MDN1: variants seen among roughly 807,000 people sequenced by gnomAD.
MDN1 encodes the protein midasin.
In MDN1, 266 loss-of-function variants were observed where a neutral mutation model predicts 669.2. The ratio of observed to expected loss-of-function variants is 0.40; its 90% confidence interval spans 0.36 to 0.44. MDN1 has a LOEUF of 0.44. Among genes scored for constraint, MDN1 ranks in the 20% least tolerant of loss-of-function variants. MDN1 has a pLI of 1.00. For synonymous variants in MDN1, 2,385 were observed against 2,457.1 expected (o/e 0.97, Z 0.87); for missense variants, 5,940 against 6,754.0 (o/e 0.88, Z 4.22).
rs552185875 is a variant in MDN1, at chr6:89,657,700, C to T, written c.15183+509G>A. Among the ~76,000 whole-genome samples, 149 of 152,286 alleles carry T rather than the reference C, an allele frequency of 9.8e-4. 1 individual carries two copies. The highest frequency in any genetic ancestry group is 3.4e-3 in the African/African-American group (141 of 41,550). ...CACCACTTAAATACAGCCGATATTC[C>T]GGGGTTTGTCCTGGGAGGCATATAA... is the stretch of plus-strand genomic sequence containing the variant. On this transcript the variant is annotated intron_variant, in intron 90 of 101. Transcript: ENST00000369393.
intron 25 of MDN1, 24 bp from the exon 26 acceptor site, chr6:89,749,393 CA>C (rs1422626797): frequency 6.2e-7 from 1 of 1,608,750 alleles, no homozygotes; most frequent in Non-Finnish European, 8.5e-7. Flanking sequence ...AGGAAGAATG[CA>C]GTAAAAGGTG....
chr6:89,661,350 T>G, intron 88 of MDN1, 81 bp downstream of exon 88: 21 of 1,489,008 alleles, frequency 1.4e-5, no homozygotes, highest in East Asian at 2.3e-5. Flanking sequence ...GCCATGACAC[T>G]GAGCTAGCTT....
rs562038600 is a variant in MDN1 at position 89,745,148 on chromosome 6, A to AAG, written c.4178+124_4178+125insCT. On this transcript the variant is annotated intron_variant, in intron 29 of 101. Transcript: ENST00000369393. ...TAGTCTCTTCTTAAAAAAAAAAAAA[A>AAG]AAAAGAAAAAAGAGGAAGGAGGAAA... is the stretch of plus-strand genomic sequence containing the variant. The AAG allele has an allele frequency of 7.9e-5, 80 of 1,014,514 alleles. 1 individual carries two copies. The highest frequency in any genetic ancestry group is 2.6e-4 in the Middle Eastern group (1 of 3,862). The allele number at this position is 1,014,514 out of a possible 1,614,324, so 62.8% of individuals were successfully genotyped here.
At chr6:89,781,627 C>A in intron 9 of MDN1, 35 bp from the exon 10 acceptor site, 1 of 1,502,922 alleles carries the variant, frequency 6.7e-7, no homozygotes, top group South Asian at 1.3e-5. Flanking sequence ...AATTTAACAG[C>A]CAGCATGGTA....
At chr6:89,693,384 C>T (rs1812510790) in intron 62 of MDN1, among the ~76,000 whole-genome samples, 1 of 152,140 alleles carries the variant, frequency 6.6e-6, no homozygotes, top group Admixed American at 6.5e-5. Flanking sequence ...TTACTGAAGC[C>T]TCATCATGAC....
Position 89,700,222 on chromosome 6 carries a change from T to C in MDN1, c.8711A>G (p.Glu2904Gly). The C allele has an allele frequency of 6.2e-7, 1 of 1,614,206 alleles. No individual in the cohort carries two copies. The highest frequency in any genetic ancestry group is 8.5e-7 in the Non-Finnish European group (1 of 1,180,042). ...KAKGLSLGFL[E>G]KKHDEASSLS... ...GGAGGAAGCTTCATCATGCTTTTTC[T>C]CCAGAAAACCAAGTGAGAGTCCTTT... Residue 2904 changes from glutamate to glycine, a missense_variant, in exon 57 of 102, where the codon GAG becomes GGG. Glu to Gly is a moderately conservative substitution (Grantham distance 98). Around this residue, in one of 5 missense-constraint regions of MDN1, gnomAD observed 2,292 missense variants for 2,638.3 expected, o/e 0.87. Transcript: ENST00000369393.
At position 89,732,613 on chromosome 6, in the gene MDN1, G is replaced by A. The variant is rs775362470; in HGVS notation, c.4886C>T (p.Thr1629Ile). The A allele has an allele frequency of 1.9e-6, 3 of 1,614,100 alleles. No individual in the cohort carries two copies. The highest frequency in any genetic ancestry group is 3.3e-5 in the Admixed American group (2 of 59,998). ...TGCAGCATGGACAAAAGATGTCACA[G>A]TGGAGATGATCTCTGGCCTTTTCAA... ...AALKRPEIIS[T>I]VTSFVHAACL... Residue 1629 changes from threonine (T) to isoleucine (I), a missense_variant, in exon 34 of 102, where the codon ACT (threonine) becomes ATT (isoleucine). Physicochemically the swap from Thr to Ile is moderately conservative, Grantham distance 89. Coordinates refer to ENST00000369393, the MANE Select transcript of MDN1 (RefSeq NM_014611.3).
In MDN1 at chr6:89,741,192, A is replaced by G. The variant is rs1816279087; in HGVS notation, c.4449-814T>C. Among the ~76,000 whole-genome samples, 3 of 152,356 alleles carry G rather than the reference A, an allele frequency of 2.0e-5. No individual in the cohort carries two copies. In the South Asian group the frequency reaches 6.2e-4, roughly 32 times the overall value. On this transcript the variant is annotated intron_variant, in intron 31 of 101. Coordinates refer to ENST00000369393, the MANE Select transcript of MDN1 (RefSeq NM_014611.3). ...AGCTGCAGTGAGCTGAGACTGTACC[A>G]CTAAACTCCAGCCTGGGCAATACAG... is the stretch of plus-strand genomic sequence containing the variant.
intron 24 of MDN1, among the ~76,000 whole-genome samples, chr6:89,750,123 C>T (rs369787991): frequency 5.3e-5 from 8 of 152,294 alleles, no homozygotes; most frequent in Admixed American, 3.3e-4. Flanking sequence ...TTCAATTCCC[C>T]TCTTGAAAAT....
rs534016602 is a variant in MDN1 at position 89,685,273 on chromosome 6, G to A, written c.11720-288C>T. On this transcript the variant is annotated intron_variant, in intron 70 of 101. Transcript: ENST00000369393. ...TCCTAGGTTCTTCTAAAATCACAAT[G>A]TCAAATTCCTTCTGTGAAACTTATT... 9.2e-5 allele frequency among the ~76,000 whole-genome samples: 14 copies of A among 152,174 alleles called. No individual in the cohort carries two copies. In the South Asian group the frequency reaches 2.9e-3, roughly 32 times the overall value.
chr6:89,816,169 G>A (rs1196042250), intron 1 of MDN1, among the ~76,000 whole-genome samples: 7 of 152,138 alleles, frequency 4.6e-5, no homozygotes, highest in Non-Finnish European at 7.3e-5. Flanking sequence ...GGAGGCCGAC[G>A]CGGGTGGATC....
chr6:89,678,810 T>G, intron 74 of MDN1, 65 bp from the exon 75 acceptor site: 1 of 1,522,578 alleles, frequency 6.6e-7, no homozygotes. Context: ...GGTAATGTGT[T>G]TGTTACCCAA....
At position 89,674,145 on chromosome 6, in the gene MDN1, G is replaced by C. The variant is rs1324804823; in HGVS notation, c.13206C>G (p.Asp4402Glu). The change falls in exon 79 of 102, where the codon GAC becomes GAG. Residue 4402 changes from aspartate to glutamate, a missense_variant. Physicochemically the swap from Asp to Glu is conservative, Grantham distance 45. Around this residue, in one of 5 missense-constraint regions of MDN1, gnomAD observed 2,280 missense variants for 2,576.3 expected, o/e 0.88. Coordinates refer to ENST00000369393, the MANE Select transcript of MDN1 (RefSeq NM_014611.3). ...TCTCACAAGACTGCTGTCTAATTTT[G>C]TCGACGTCAGCTTTCACTGTTTTAA... ...KTIKTVKADV[D>E]KIRQQSCETL... 6.2e-7 allele frequency: 1 copy of C among 1,614,136 alleles called. No homozygotes were observed. Among genetic ancestry groups the C allele is most frequent in the South Asian group, 1.1e-5 (1 of 91,080 alleles).
intron 95 of MDN1, among the ~76,000 whole-genome samples, chr6:89,651,915 CACT>C (rs1808898842): frequency 4.3e-5 from 2 of 46,978 alleles, no homozygotes; most frequent in Admixed American, 3.3e-4. Flanking sequence ...GTTTTTCAAC[CACT>C]GTCACAACTA....
rs1325712000 is a variant in MDN1, at chr6:89,642,852, A to G, written c.*1153T>C. 2 of 152,388 alleles carry G rather than the reference A, an allele frequency of 1.3e-5. No homozygotes were observed. The highest frequency in any genetic ancestry group is 1.9e-4 in the East Asian group (1 of 5,190). The allele number at this position is 152,388 out of a possible 1,614,324, so 9.4% of individuals were successfully genotyped here. The stretch of plus-strand genomic sequence containing the variant: ...ATAGCTTTTTAGAATAAAAAATGAT[A>G]TAACTTCAGGTACATGCTTTGGGAC... On this transcript the variant is annotated 3_prime_UTR_variant, in exon 102 of 102. Coordinates refer to ENST00000369393, the MANE Select transcript of MDN1 (RefSeq NM_014611.3).
chr6:89,804,908 C>A (rs986288525), intron 1 of MDN1, among the ~76,000 whole-genome samples: 1 of 151,684 alleles, frequency 6.6e-6, no homozygotes, highest in Admixed American at 6.6e-5. Context: ...AGGTGGCAGG[C>A]GCCTGTAGTC....
At position 89,719,019 on chromosome 6, in the gene MDN1, T is replaced by C; in HGVS notation, c.6069A>G (p.Ser2023=). Residue 2023 remains serine, a synonymous_variant, in exon 42 of 102, where the codon TCA becomes TCG. Coordinates refer to ENST00000369393, the MANE Select transcript of MDN1 (RefSeq NM_014611.3). ...GAACACAGCTCCCACGGGAAAGGAC[T>C]GAGTAGCCCAACTGAAAAGACATGC... The part of the protein sequence containing the change: ...ITPYDVQLGY[S]VLSRGSCVPH... 6.2e-7 allele frequency: 1 copy of C among 1,614,112 alleles called. No individual in the cohort carries two copies.
intron 20 of MDN1, among the ~76,000 whole-genome samples, chr6:89,754,689 T>C (rs530957854): frequency 1.3e-5 from 2 of 151,712 alleles, no homozygotes; most frequent in East Asian, 3.9e-4. Context: ...CGATGGCCAT[T>C]ACTATTGTCA....
At chr6:89,809,171 C>A (rs1768206695) in intron 1 of MDN1, among the ~76,000 whole-genome samples, 1 of 134,002 alleles carries the variant, frequency 7.5e-6, no homozygotes, top group Non-Finnish European at 1.5e-5. Context: ...GAGCTGAGAT[C>A]GTGCCCCTGC....
Sources: allele counts gnomAD v4.1 joint callset (sites outside exome capture counted in the v4.1 genomes callset), GRCh38; gene constraint gnomAD v4.1.1; regional missense constraint gnomAD v4.1.1; transcripts MANE v1.5; gene names NCBI Gene and HGNC (gene_info 2026-07-23, HGNC 2026-07-21).